Variants in SSBP2 observed in about 807,000 individuals in gnomAD.
The protein encoded by SSBP2 is single stranded DNA binding protein 2.
Under a neutral mutation model 61.8 loss-of-function variants are expected in SSBP2, and 17 were observed. The ratio of observed to expected loss-of-function variants is 0.28; its 90% CI spans 0.19 to 0.41. SSBP2 has a LOEUF of 0.41. Ranked by LOEUF, SSBP2 falls within the 10% of genes least tolerant of loss-of-function variation. SSBP2 has a pLI of 1.00. For synonymous variants in SSBP2, 139 were observed against 141.3 expected (o/e 0.98, Z 0.12); for missense variants, 310 against 458.7 (o/e 0.68, Z 2.96).
At chr5:81,421,191 T>C (rs1029004844) in intron 16 of SSBP2, among the ~76,000 whole-genome samples, 2 of 152,148 alleles carry the variant, frequency 1.3e-5, no homozygotes, top group Admixed American at 1.3e-4. Flanking sequence ...TCTGTGACTC[T>C]AATCTTTTTT....
At chr5:81,614,463 G>T (rs187884358) in intron 4 of SSBP2, among the ~76,000 whole-genome samples, 1 of 151,944 alleles carries the variant, frequency 6.6e-6, no homozygotes, top group African/African-American at 2.4e-5. Context: ...ATTTTGGAGG[G>T]TATAATTCTT....
At chr5:81,702,553 CA>C (rs1441201527) in intron 1 of SSBP2, among the ~76,000 whole-genome samples, 1 of 152,004 alleles carries the variant, frequency 6.6e-6, no homozygotes, top group Non-Finnish European at 1.5e-5. Flanking sequence ...AACACAATGC[CA>C]TAAGTTCTGA....
chr5:81,573,944 T>A (rs962539315), intron 4 of SSBP2, among the ~76,000 whole-genome samples: 2 of 151,952 alleles, frequency 1.3e-5, no homozygotes, highest in African/African-American at 2.4e-5. Flanking sequence ...ATTGAGACCA[T>A]CCTGGCTAAC....
intron 1 of SSBP2, among the ~76,000 whole-genome samples, chr5:81,651,263 C>T (rs1414529636): frequency 6.6e-6 from 1 of 152,046 alleles, no homozygotes; most frequent in African/African-American, 2.4e-5. Flanking sequence ...GTAACAATAA[C>T]CACAATTCTG....
intron 1 of SSBP2, among the ~76,000 whole-genome samples, chr5:81,750,538 A>C (rs926159061): frequency 2.5e-5 from 3 of 120,902 alleles, no homozygotes; most frequent in East Asian, 2.7e-4. Context: ...CCCGGCCCCG[A>C]CCCCGGCCGG....
chr5:81,663,731 T>G (rs572796915), intron 1 of SSBP2, among the ~76,000 whole-genome samples: 2 of 152,304 alleles, frequency 1.3e-5, no homozygotes, highest in East Asian at 3.9e-4. Flanking sequence ...GGTCTGTCTA[T>G]TACCTATTAA....
At chr5:81,658,757 C>T (rs572190441) in intron 1 of SSBP2, among the ~76,000 whole-genome samples, 14 of 152,104 alleles carry the variant, frequency 9.2e-5, no homozygotes, top group Admixed American at 2.0e-4. Context: ...AACATCGATG[C>T]GAAAATCCTC....
intron 4 of SSBP2, among the ~76,000 whole-genome samples, chr5:81,611,785 TTTAAA>T (rs1164560655): frequency 6.6e-6 from 1 of 152,108 alleles, no homozygotes; most frequent in Non-Finnish European, 1.5e-5. Context: ...TAAAATGAAC[TTTAAA>T]TAAAGTCATC....
At chr5:81,536,976 C>A (rs1267210803) in intron 4 of SSBP2, among the ~76,000 whole-genome samples, 1 of 149,524 alleles carries the variant, frequency 6.7e-6, no homozygotes, top group African/African-American at 2.5e-5. Context: ...TGCACTCCAG[C>A]TTGGGCAACA....
chr5:81,428,441 T>C, intron 16 of SSBP2, 144 bp downstream of exon 16: 1 of 582,542 alleles, frequency 1.7e-6, no homozygotes, highest in Non-Finnish European at 3.0e-6. Flanking sequence ...TTTTCAAAGA[T>C]ATTCCACTTA....
intron 1 of SSBP2, among the ~76,000 whole-genome samples, chr5:81,709,352 T>A (rs1214458690): frequency 6.6e-6 from 1 of 151,994 alleles, no homozygotes; most frequent in Non-Finnish European, 1.5e-5. Flanking sequence ...TTTCTTCTGA[T>A]CTCTTTCACC....
intron 1 of SSBP2, among the ~76,000 whole-genome samples, chr5:81,658,674 C>A (rs1002320341): frequency 3.3e-5 from 5 of 152,068 alleles, no homozygotes; most frequent in African/African-American, 1.2e-4. Flanking sequence ...TCTTCCTCTG[C>A]CTCACTCATT....
intron 5 of SSBP2, among the ~76,000 whole-genome samples, chr5:81,491,238 T>G (rs916755937): frequency 1.3e-5 from 2 of 152,238 alleles, no homozygotes; most frequent in African/African-American, 4.8e-5. Flanking sequence ...CAATTTAGTT[T>G]TTGAAACATG....
intron 1 of SSBP2, among the ~76,000 whole-genome samples, chr5:81,742,508 T>C (rs986472382): frequency 2.6e-5 from 4 of 152,226 alleles, no homozygotes; most frequent in African/African-American, 9.6e-5. Flanking sequence ...GCAGTGGGAA[T>C]ATGACGGTAA....
intron 1 of SSBP2, among the ~76,000 whole-genome samples, chr5:81,667,700 T>A (rs778983891): frequency 6.6e-5 from 10 of 152,158 alleles, no homozygotes; most frequent in Non-Finnish European, 1.5e-4. Flanking sequence ...AACTTTTAAG[T>A]GGGTGAAAGA....
rs558809294 is a variant in SSBP2, at chr5:81,613,502, G to C, written c.282+1971C>G. Among the ~76,000 whole-genome samples, 11 of 152,256 alleles carry C rather than the reference G, an allele frequency of 7.2e-5. No individual in the cohort carries two copies. In the South Asian group the frequency reaches 1.9e-3, roughly 26 times the overall value. On this transcript the variant is annotated intron_variant, in intron 4 of 16. Transcript: ENST00000320672. ...ATGACAACGATGATCATTTATCCAA[G>C]GCTTTTAGAAAGAGCTGCTAAATTA...
chr5:81,706,219 A>G (rs1294672484), intron 1 of SSBP2, among the ~76,000 whole-genome samples: 2 of 152,196 alleles, frequency 1.3e-5, no homozygotes, highest in Admixed American at 6.5e-5. Context: ...TCCTAAGCAA[A>G]TTAACACAGG....
intron 1 of SSBP2, chr5:81,710,761 G>C (rs1245607920): frequency 2.3e-6 from 1 of 439,482 alleles, no homozygotes; most frequent in Non-Finnish European, 4.6e-6. Context: ...ATAAGGCACA[G>C]ATGAATTCTA....
intron 4 of SSBP2, among the ~76,000 whole-genome samples, chr5:81,606,763 T>C (rs971789103): frequency 1.3e-4 from 20 of 152,324 alleles, no homozygotes; most frequent in African/African-American, 4.8e-4. Context: ...AAGAAAGGCG[T>C]AGGCCTGTGA....
Sources: allele counts gnomAD v4.1 joint callset (sites outside exome capture counted in the v4.1 genomes callset), GRCh38; gene constraint gnomAD v4.1.1; transcripts MANE v1.5; gene names NCBI Gene and HGNC (gene_info 2026-07-23, HGNC 2026-07-21).